Variants in CAPN2 observed in about 807,000 individuals in gnomAD.
The protein encoded by CAPN2 is calpain-2 catalytic subunit.
A neutral mutation model predicts 102.3 loss-of-function variants in CAPN2; 92 were observed. That is an observed-to-expected ratio of 0.90 (90% CI 0.76 to 1.07). The LOEUF is 1.07. CAPN2 is among the 50% of genes least tolerant of loss of function. CAPN2 has a pLI of 0.00. For synonymous variants in CAPN2, 340 were observed against 355.4 expected (o/e 0.96, Z 0.49); for missense variants, 800 against 909.4 (o/e 0.88, Z 1.55).
At chr1:223,710,240 C>G (rs1659700903), upstream of CAPN2, among the ~76,000 whole-genome samples, 2 of 151,904 alleles carry the variant, frequency 1.3e-5, no homozygotes, top group South Asian at 4.2e-4. Context: ...CGTCAAGATC[C>G]TGTCACTGCA....
At chr1:223,738,236 C>A (rs144753453) in intron 2 of CAPN2, among the ~76,000 whole-genome samples, 4,285 of 152,136 alleles carry the variant, frequency 0.028, 92 homozygotes, top group Non-Finnish European at 0.044. Flanking sequence ...TAGCTCACTG[C>A]AGCCTTGACC....
intron 20 of CAPN2, 34 bp from the exon 21 acceptor site, chr1:223,774,800 C>T (rs1403201539): frequency 1.2e-6 from 2 of 1,605,726 alleles, no homozygotes; most frequent in South Asian, 2.2e-5. Flanking sequence ...TAAAAGTGGT[C>T]ACTGAGCTGA....
intron 1 of CAPN2, among the ~76,000 whole-genome samples, chr1:223,707,302 T>G (rs12410764): frequency 0.075 from 11,342 of 152,004 alleles, 586 homozygotes; most frequent in Non-Finnish European, 0.11. Context: ...CCCTCTCTCA[T>G]TTACTCACAA....
rs760155364 is a variant in CAPN2 at position 223,752,951 on chromosome 1, A to AC, written c.1133dup (p.Asn379GlufsTer18). Reference sequence around the variant, plus strand: ...TCCACCGCGGGAGGTTGCAGGAACTACCCGAGTAAGGGCTGTTGCATATAA... The same window carrying AC: ...TCCACCGCGGGAGGTTGCAGGAACTACCCCGAGTAAGGGCTGTTGCATATAA... On this transcript the variant is annotated frameshift_variant, in exon 9 of 21. Coordinates refer to ENST00000295006, the MANE Select transcript of CAPN2 (RefSeq NM_001748.5). LOFTEE classifies it high-confidence loss of function. The AC allele has an allele frequency of 6.2e-7, 1 of 1,613,916 alleles. No individual in the cohort carries two copies. Among genetic ancestry groups the AC allele is most frequent in the South Asian group, 1.1e-5 (1 of 91,072 alleles).
At chr1:223,706,921 A>C (rs1212898671) in intron 1 of CAPN2, among the ~76,000 whole-genome samples, 1 of 152,068 alleles carries the variant, frequency 6.6e-6, no homozygotes, top group Admixed American at 6.6e-5. Context: ...CTCTATTAAA[A>C]ATACAAAAAT....
At chr1:223,712,345 G>C, upstream of CAPN2, 1 of 704,428 alleles carries the variant, frequency 1.4e-6, no homozygotes, top group South Asian at 6.4e-5. Flanking sequence ...CCCCGGCGCC[G>C]GGCCGCGCCA....
Position 223,755,453 on chromosome 1 carries a change from G to C in CAPN2, c.1136-27G>C, listed in dbSNP as rs1377305525. ...CCCCATGCATTCCTGCTCAGGGCTG[G>C]GCTCCTCTGCCCCTTTCTGGCTGCA... On this transcript the variant is annotated intron_variant, in intron 9 of 20. Coordinates refer to ENST00000295006, the MANE Select transcript of CAPN2 (RefSeq NM_001748.5). This position sits in a 1 kb window ranked among gnomAD's most constrained non-coding sequence, Gnocchi z 4.1. The C allele has an allele frequency of 1.2e-6, 2 of 1,612,906 alleles. No homozygotes were observed. Among genetic ancestry groups the C allele is most frequent in the South Asian group, 2.2e-5 (2 of 90,982 alleles).
chr1:223,762,435 G>A (rs760343709), intron 14 of CAPN2, among the ~76,000 whole-genome samples, 184 bp downstream of exon 14: 5 of 152,162 alleles, frequency 3.3e-5, no homozygotes, highest in Non-Finnish European at 5.9e-5. Flanking sequence ...TAAGACCTCC[G>A]CATGCTGCCG....
At position 223,775,565 on chromosome 1, in the gene CAPN2, A is replaced by G. The variant is rs13341; in HGVS notation, c.*708A>G. Reference sequence around the variant, plus strand: ...GATCCTGCGCTTGATCAACTGAACCAGTATGCCAAAACCAGGCATCCAATT... The same window carrying G: ...GATCCTGCGCTTGATCAACTGAACCGGTATGCCAAAACCAGGCATCCAATT... On this transcript the variant is annotated 3_prime_UTR_variant, in exon 21 of 21. Transcript: ENST00000295006. The G allele has an allele frequency of 2.0e-5, 3 of 152,646 alleles. No individual in the cohort carries two copies. Among genetic ancestry groups the G allele is most frequent in the Non-Finnish European group, 2.9e-5 (2 of 68,052 alleles). The allele number at this position is 152,646 out of a possible 1,614,324, so 9.5% of individuals were successfully genotyped here.
chr1:223,744,751 C>T (rs1660710294), intron 3 of CAPN2, among the ~76,000 whole-genome samples: 1 of 152,000 alleles, frequency 6.6e-6, no homozygotes, highest in African/African-American at 2.4e-5. Context: ...ATCCCAGCTA[C>T]TTGGGAGGCT....
chr1:223,765,080 A>T (rs573117609), intron 15 of CAPN2, among the ~76,000 whole-genome samples: 1 of 152,222 alleles, frequency 6.6e-6, no homozygotes, highest in African/African-American at 2.4e-5. Flanking sequence ...AGTTTTGAAC[A>T]TATCAGAAGT....
At chr1:223,704,955 C>T (rs74147510) in intron 1 of CAPN2, among the ~76,000 whole-genome samples, 1,847 of 152,250 alleles carry the variant, frequency 0.012, 33 homozygotes, top group African/African-American at 0.042. Context: ...TGCCCCCAGC[C>T]CCCTCCTGCC....
Position 223,725,364 on chromosome 1 carries a change from T to C in CAPN2, c.307+7533T>C, listed in dbSNP as rs1443069595. On this transcript the variant is annotated intron_variant, in intron 2 of 20. Transcript: ENST00000295006. The surrounding 1 kb of genome is among the most constrained non-coding windows in gnomAD (Gnocchi z 4.1). ...CACCACTGCACTCCATCCTGGGCAA[T>C]AGAGCGAGACTTCATCTCAAAAAAA... Among the ~76,000 whole-genome samples, 5 of 150,628 alleles carry C rather than the reference T, an allele frequency of 3.3e-5. No individual in the cohort carries two copies. The highest frequency in any genetic ancestry group is 3.9e-4 in the East Asian group (2 of 5,108).
At chr1:223,720,318 T>C (rs1302549527) in intron 2 of CAPN2, among the ~76,000 whole-genome samples, 1 of 142,500 alleles carries the variant, frequency 7.0e-6, no homozygotes, top group East Asian at 2.0e-4. Flanking sequence ...TTTCTCTCTT[T>C]TTTTTTTTTT....
chr1:223,714,769 A>G (rs1005379560), intron 1 of CAPN2, among the ~76,000 whole-genome samples: 2 of 152,180 alleles, frequency 1.3e-5, no homozygotes, highest in South Asian at 2.1e-4. Context: ...AATACCTACT[A>G]TATGCTGGGC....
At chr1:223,709,661 C>CAAAAAAA (rs779362608), upstream of CAPN2, among the ~76,000 whole-genome samples, 3 of 137,820 alleles carry the variant, frequency 2.2e-5, no homozygotes, top group Admixed American at 7.2e-5. Context: ...AACTCCATCT[C>CAAAAAAA]AAAAAAAAAA....
rs1055141513 is a variant in CAPN2 at position 223,756,168 on chromosome 1, G to A, written c.1305+519G>A. Among the ~76,000 whole-genome samples, 3 of 152,294 alleles carry A rather than the reference G, an allele frequency of 2.0e-5. No homozygotes were observed. Among genetic ancestry groups the A allele is most frequent in the East Asian group, 1.9e-4 (1 of 5,172 alleles). On this transcript the variant is annotated intron_variant, in intron 10 of 20. Transcript: ENST00000295006. The surrounding 1 kb of genome is among the most constrained non-coding windows in gnomAD (Gnocchi z 4.1). Reference sequence around the variant, plus strand: ...CCCTACACAGACTCCTGCTGTATGCGTGTTTTCCTTTCACTCTGAGCCACA... The same window carrying A: ...CCCTACACAGACTCCTGCTGTATGCATGTTTTCCTTTCACTCTGAGCCACA...
chr1:223,773,553 C>T (rs1053735436), intron 20 of CAPN2, among the ~76,000 whole-genome samples: 1 of 152,094 alleles, frequency 6.6e-6, no homozygotes, highest in Admixed American at 6.6e-5. Context: ...ATTAGCCAGG[C>T]GTGGTGACAC....
intron 20 of CAPN2, 73 bp from the exon 21 acceptor site, chr1:223,774,761 T>C: frequency 7.3e-7 from 1 of 1,370,168 alleles, no homozygotes; most frequent in Non-Finnish European, 1.0e-6. Flanking sequence ...TTTGGAACAA[T>C]CTACAGGTAC....
Sources: gnomAD v4.1 joint callset for allele counts (sites outside exome capture counted in the v4.1 genomes callset) on GRCh38, gnomAD v4.1.1 for gene constraint, Gnocchi (gnomAD v3.1) non-coding constraint, MANE v1.5 for transcripts, NCBI Gene and HGNC (gene_info 2026-07-23, HGNC 2026-07-21) for gene names.